The following RANBP2 variants were observed in gnomAD, a reference collection of about 807,000 sequenced individuals.
RANBP2 encodes the protein E3 SUMO-protein ligase RanBP2.
In RANBP2, 57 loss-of-function variants were observed where a neutral mutation model predicts 303.6. The ratio of observed to expected loss-of-function variants is 0.19; its 90% CI spans 0.15 to 0.23. RANBP2 has a LOEUF of 0.23. Among genes scored for constraint, RANBP2 ranks in the 10% least tolerant of loss-of-function variants. The pLI is 1.00. For missense variants in RANBP2, 3,138 were observed against 3,780.8 expected, an observed-to-expected ratio of 0.83 and a Z score of 4.46; for synonymous variants, 1,167 against 1,301.5, an observed-to-expected ratio of 0.90 and a Z score of 2.23.
chr2:108,965,923 A>G, the RANBP2 span, among the ~76,000 whole-genome samples: 1 of 152,050 alleles, frequency 6.6e-6, no homozygotes, highest in Non-Finnish European at 1.5e-5. Flanking sequence ...AACTGGAAAA[A>G]CCAGGTACTA....
chr2:108,971,369 G>C, the RANBP2 span, among the ~76,000 whole-genome samples: 3 of 152,034 alleles, frequency 2.0e-5, no homozygotes, highest in African/African-American at 7.2e-5. Context: ...GAGACCTCCA[G>C]TATCAAAATC....
chr2:108,994,591 A>G, the RANBP2 span, among the ~76,000 whole-genome samples: 1 of 152,278 alleles, frequency 6.6e-6, no homozygotes, highest in South Asian at 2.1e-4. Context: ...CTGAGTTTAG[A>G]AATATGAAAT....
At chr2:109,529,403 C>T in the RANBP2 span, among the ~76,000 whole-genome samples, 1 of 151,904 alleles carries the variant, frequency 6.6e-6, no homozygotes, top group Non-Finnish European at 1.5e-5. Flanking sequence ...GATGGGACCT[C>T]GAGGGAGAGC....
At chr2:109,687,903 C>T in the RANBP2 span, among the ~76,000 whole-genome samples, 2 of 152,076 alleles carry the variant, frequency 1.3e-5, no homozygotes, top group Admixed American at 1.3e-4. Context: ...ACCACCATGT[C>T]CAGTTAATTT....
the RANBP2 span, among the ~76,000 whole-genome samples, chr2:109,062,560 A>G: frequency 6.6e-6 from 1 of 152,134 alleles, no homozygotes; most frequent in Admixed American, 6.5e-5. Context: ...ACACCCAGGA[A>G]AGTCCCCTGA....
chr2:109,388,822 G>A, the RANBP2 span, among the ~76,000 whole-genome samples: 1 of 124,626 alleles, frequency 8.0e-6, no homozygotes, highest in Non-Finnish European at 1.7e-5. Context: ...GCTCTGGGAT[G>A]TCAGAGAGAG....
At chr2:109,407,801 C>G in the RANBP2 span, among the ~76,000 whole-genome samples, 1 of 152,284 alleles carries the variant, frequency 6.6e-6, no homozygotes, top group Non-Finnish European at 1.5e-5. Context: ...TTCTACAAAT[C>G]TGGAAATAGC....
chr2:108,763,002 CT>C (rs1313891846), intron 19 of RANBP2, among the ~76,000 whole-genome samples: 1 of 152,100 alleles, frequency 6.6e-6, no homozygotes, highest in Non-Finnish European at 1.5e-5. Flanking sequence ...TATTGGAACA[CT>C]AAGCTTATGG....
At chr2:109,519,208 C>G in the RANBP2 span, among the ~76,000 whole-genome samples, 1 of 152,058 alleles carries the variant, frequency 6.6e-6, no homozygotes, top group Non-Finnish European at 1.5e-5. Context: ...CTTGAGCCAC[C>G]ACACCCTGCC....
chr2:109,373,947 GCT>G, the RANBP2 span, among the ~76,000 whole-genome samples: 2,916 of 152,216 alleles, frequency 0.019, 92 homozygotes, highest in African/African-American at 0.061. Flanking sequence ...AGTCCAGCAG[GCT>G]CTCTGTCATC....
chr2:109,588,109 C>CA, the RANBP2 span, among the ~76,000 whole-genome samples: 53 of 142,766 alleles, frequency 3.7e-4, no homozygotes, highest in South Asian at 9.0e-4. Flanking sequence ...TGCCCCCCGC[C>CA]AAAAAAAAAA....
chr2:108,748,826 T>A, intron 8 of RANBP2, 94 bp from the exon 9 acceptor site: 1 of 1,609,732 alleles, frequency 6.2e-7, no homozygotes, highest in Non-Finnish European at 8.5e-7. Context: ...GCAGTAATCA[T>A]GTTATTTCCC....
the RANBP2 span, among the ~76,000 whole-genome samples, chr2:109,090,620 G>A: frequency 3.6e-4 from 54 of 152,006 alleles, no homozygotes; most frequent in East Asian, 7.4e-3. Flanking sequence ...TTTAATCCCA[G>A]TTCTGTCCAA....
the RANBP2 span, among the ~76,000 whole-genome samples, chr2:109,689,440 G>A: frequency 2.6e-5 from 4 of 152,020 alleles, no homozygotes; most frequent in Non-Finnish European, 5.9e-5. Flanking sequence ...ATCCATTGAG[G>A]ACAAATAACA....
the RANBP2 span, among the ~76,000 whole-genome samples, chr2:109,679,333 T>C: frequency 6.6e-6 from 1 of 152,210 alleles, no homozygotes; most frequent in African/African-American, 2.4e-5. Flanking sequence ...AGAAGCACCA[T>C]GAGTACTCAG....
the RANBP2 span, among the ~76,000 whole-genome samples, chr2:109,486,987 T>C: frequency 2.0e-4 from 30 of 152,036 alleles, no homozygotes; most frequent in African/African-American, 7.3e-4. Flanking sequence ...AGAAGGGTCA[T>C]TGGAATGGAA....
the RANBP2 span, among the ~76,000 whole-genome samples, chr2:109,182,144 G>A: frequency 0.86 from 130,883 of 152,242 alleles, 56,391 homozygotes; most frequent in African/African-American, 0.91. Context: ...TGCTGCTATA[G>A]AAGAATACCA....
the RANBP2 span, chr2:109,614,936 C>T: frequency 1.3e-6 from 2 of 1,511,264 alleles, no homozygotes; most frequent in African/African-American, 1.4e-5. Context: ...CGCCCCTGAG[C>T]GCCGGGGCTC....
Position 108,765,082 on chromosome 2 carries a change from A to T in RANBP2, c.4543A>T (p.Ile1515Phe), listed in dbSNP as rs1210169194. 3 of 1,613,994 alleles carry T rather than the reference A, an allele frequency of 1.9e-6. No homozygotes were observed. Among genetic ancestry groups the T allele is most frequent in the Admixed American group, 1.7e-5 (1 of 59,996 alleles). Residue 1515 changes from isoleucine (I) to phenylalanine (F), a missense_variant, in exon 20 of 29, where the codon ATT becomes TTT. Transcript: ENST00000283195. Reference protein sequence around the residue: ...PRKQSLPATSIPTPASFKFGT... With the variant: ...PRKQSLPATSFPTPASFKFGT... ...AAAACAGAGTCTACCTGCTACTTCT[A>T]TTCCAACACCTGCCTCTTTTAAGTT...
Sources: gnomAD v4.1 joint callset for allele counts (sites outside exome capture counted in the v4.1 genomes callset) on GRCh38, gnomAD v4.1.1 for gene constraint, MANE v1.5 for transcripts, NCBI Gene and HGNC (gene_info 2026-07-23, HGNC 2026-07-21) for gene names.